The following ZNF469 variants were observed in gnomAD, a reference collection of about 807,000 sequenced individuals.
ZNF469 encodes zinc finger protein 469.
Under a neutral mutation model 1.0 loss-of-function variants are expected in ZNF469, and 1 was observed. The ratio of observed to expected loss-of-function variants is 1.00; its 90% CI spans 0.35 to 4.73. ZNF469 has a LOEUF of 4.73. Ranked by LOEUF, ZNF469 falls within the 30% of genes most tolerant of loss-of-function variation. The pLI is 0.16. For synonymous variants in ZNF469, 2,703 were observed against 2,363.4 expected (o/e 1.14, Z -4.17); for missense variants, 6,100 against 5,356.3 (o/e 1.14, Z -4.33).
At chr16:88,183,406 G>T in the ZNF469 span, among the ~76,000 whole-genome samples, 107 of 152,340 alleles carry the variant, frequency 7.0e-4, no homozygotes, top group African/African-American at 2.5e-3. Flanking sequence ...AGGTGAACCC[G>T]TGAGCAACTG....
At chr16:88,403,108 G>A (rs1904930388) in intron 1 of ZNF469, among the ~76,000 whole-genome samples, 1 of 152,204 alleles carries the variant, frequency 6.6e-6, no homozygotes, top group South Asian at 2.1e-4. Flanking sequence ...GAGGGATCGG[G>A]GAGTCCAGGA....
chr16:88,109,925 T>G, the ZNF469 span, among the ~76,000 whole-genome samples: 1 of 152,224 alleles, frequency 6.6e-6, no homozygotes, highest in African/African-American at 2.4e-5. Flanking sequence ...TACCAAATGT[T>G]AGTTGAGTAA....
the ZNF469 span, among the ~76,000 whole-genome samples, chr16:88,149,592 A>G: frequency 6.6e-6 from 1 of 152,124 alleles, no homozygotes; most frequent in African/African-American, 2.4e-5. Flanking sequence ...ACTCAGTCCA[A>G]AAGTAGCAAG....
the ZNF469 span, among the ~76,000 whole-genome samples, chr16:88,366,743 C>A: frequency 1.3e-5 from 2 of 151,780 alleles, no homozygotes; most frequent in Non-Finnish European, 2.9e-5. Context: ...CCATCATTAT[C>A]ATCATCACTA....
the ZNF469 span, among the ~76,000 whole-genome samples, chr16:88,122,631 C>T: frequency 6.6e-6 from 1 of 152,006 alleles, no homozygotes; most frequent in Non-Finnish European, 1.5e-5. Flanking sequence ...AAGCATTTAC[C>T]CTGTGTGAGC....
At chr16:88,167,824 C>T in the ZNF469 span, among the ~76,000 whole-genome samples, 13 of 152,216 alleles carry the variant, frequency 8.5e-5, no homozygotes, top group South Asian at 2.1e-4. Context: ...TTCTCTGCAC[C>T]GCTCCCCAGG....
chr16:88,120,287 G>T, the ZNF469 span, among the ~76,000 whole-genome samples: 1 of 152,242 alleles, frequency 6.6e-6, no homozygotes. Flanking sequence ...TTTCTCTGGG[G>T]TCCTTGCAGG....
intron 1 of ZNF469, among the ~76,000 whole-genome samples, chr16:88,397,711 G>A (rs910097438): frequency 2.2e-5 from 3 of 134,372 alleles, no homozygotes; most frequent in Admixed American, 7.3e-5. Context: ...ATATATACGC[G>A]AGGAAAGAGA....
the ZNF469 span, among the ~76,000 whole-genome samples, chr16:88,295,149 C>T: frequency 1.9e-4 from 2 of 10,630 alleles, no homozygotes; most frequent in Admixed American, 8.5e-4. Context: ...GCCCCCAGGA[C>T]GTGGCAGGGC....
intron 1 of ZNF469, among the ~76,000 whole-genome samples, chr16:88,421,664 A>C (rs1370604024): frequency 6.6e-6 from 1 of 152,164 alleles, no homozygotes; most frequent in African/African-American, 2.4e-5. Context: ...AGGCAGGGCC[A>C]CCCCAGGAGA....
At position 88,429,003 on chromosome 16, in the gene ZNF469, C is replaced by G. The variant is rs1052914598; in HGVS notation, c.1533C>G (p.Pro511=). 1 of 1,549,560 alleles carries G rather than the reference C, an allele frequency of 6.5e-7. No homozygotes were observed. Among genetic ancestry groups the G allele is most frequent in the Non-Finnish European group, 8.7e-7 (1 of 1,146,742 alleles). ...GGCTGCCTTTCCCCGCGGGGGGCCC[C>G]GAGTGGCAGGGGGGCAGCCAAGGAG... is the stretch of plus-strand genomic sequence containing the variant. The part of the protein sequence containing the change: ...LSRLPFPAGG[P]EWQGGSQGAL... The change falls in exon 3 of 3, where the codon CCC becomes CCG. Residue 511 remains proline, a synonymous_variant. Transcript: ENST00000565624.
chr16:88,418,032 C>T (rs1905351216), intron 1 of ZNF469, among the ~76,000 whole-genome samples: 1 of 152,216 alleles, frequency 6.6e-6, no homozygotes, highest in Non-Finnish European at 1.5e-5. Context: ...TCACCCTAAC[C>T]TAGAGCCCCA....
the ZNF469 span, among the ~76,000 whole-genome samples, chr16:88,165,608 A>G: frequency 0.023 from 3,567 of 152,172 alleles, 128 homozygotes; most frequent in African/African-American, 0.082. Context: ...ACTTTTTTCC[A>G]ATTTTTAAAT....
upstream of ZNF469, among the ~76,000 whole-genome samples, chr16:88,378,300 C>A (rs540838068): frequency 6.6e-6 from 1 of 152,314 alleles, no homozygotes; most frequent in Admixed American, 6.5e-5. Context: ...AGCATCCAGA[C>A]CCAAATTGAG....
At chr16:88,396,623 G>C (rs1324161543) in intron 1 of ZNF469, among the ~76,000 whole-genome samples, 2 of 150,524 alleles carry the variant, frequency 1.3e-5, no homozygotes, top group Non-Finnish European at 3.0e-5. Flanking sequence ...GGGAGGCCGG[G>C]AGGAGACCCT....
the ZNF469 span, among the ~76,000 whole-genome samples, chr16:88,269,717 C>A: frequency 4.6e-5 from 7 of 152,106 alleles, no homozygotes; most frequent in Non-Finnish European, 2.9e-5. Flanking sequence ...GCTGACCAAT[C>A]CCCCCAGCAC....
intron 2 of ZNF469, among the ~76,000 whole-genome samples, chr16:88,425,440 G>C (rs1905657877): frequency 6.6e-6 from 1 of 152,198 alleles, no homozygotes; most frequent in Admixed American, 6.5e-5. Context: ...ACATGGCTAA[G>C]CCCAGTGCAG....
chr16:88,381,622 A>G (rs1012567867), upstream of ZNF469, among the ~76,000 whole-genome samples: 33 of 152,218 alleles, frequency 2.2e-4, no homozygotes, highest in Non-Finnish European at 4.0e-4. Flanking sequence ...CCCATTTTCC[A>G]TGGAAAGGGA....
chr16:88,342,102 C>T, the ZNF469 span, among the ~76,000 whole-genome samples: 2 of 151,960 alleles, frequency 1.3e-5, no homozygotes, highest in South Asian at 2.1e-4. Flanking sequence ...CGAAGAAGGC[C>T]GGTGGGAGAG....
Sources: gnomAD v4.1 joint callset for allele counts (sites outside exome capture counted in the v4.1 genomes callset) on GRCh38, gnomAD v4.1.1 for gene constraint, MANE v1.5 for transcripts, NCBI Gene and HGNC (gene_info 2026-07-23, HGNC 2026-07-21) for gene names.